SLCO1A2: variants seen among roughly 807,000 people sequenced by gnomAD.
The protein encoded by SLCO1A2 is OATP-1.
A neutral mutation model predicts 69.0 loss-of-function variants in SLCO1A2; 67 were observed. The observed-to-expected ratio is 0.97, with a 90% CI of 0.80 to 1.19. The LOEUF (loss-of-function observed/expected upper bound fraction) is 1.19, where lower values mean the gene tolerates loss of function less well. Among genes scored for constraint, SLCO1A2 ranks in the 50% most tolerant of loss-of-function variants. SLCO1A2 has a pLI of 0.00. For missense variants in SLCO1A2, 787 were observed against 793.7 expected, an observed-to-expected ratio of 0.99 and a Z score of 0.10; for synonymous variants, 260 against 265.9, an observed-to-expected ratio of 0.98 and a Z score of 0.22.
intron 12 of SLCO1A2, among the ~76,000 whole-genome samples, chr12:21,276,949 T>C (rs1943971149): frequency 6.6e-6 from 1 of 152,186 alleles, no homozygotes; most frequent in South Asian, 2.1e-4. Context: ...CTAAATAAAC[T>C]TGAAAGGCAG....
At chr12:21,286,978 A>T (rs1364180319) in intron 12 of SLCO1A2, among the ~76,000 whole-genome samples, 2 of 148,474 alleles carry the variant, frequency 1.3e-5, no homozygotes, top group African/African-American at 5.0e-5. Flanking sequence ...AAACACCAAA[A>T]GCAATGGCAA....
At chr12:21,291,327 T>C (rs1393435156) in intron 12 of SLCO1A2, among the ~76,000 whole-genome samples, 4 of 152,112 alleles carry the variant, frequency 2.6e-5, no homozygotes, top group Non-Finnish European at 2.9e-5. Context: ...ACAAAGGAAA[T>C]ACATATTTAA....
chr12:21,374,325 A>G (rs2137097401), intron 2 of SLCO1A2: 1 of 152,400 alleles, frequency 6.6e-6, no homozygotes, highest in South Asian at 2.1e-4. Flanking sequence ...TTTGTGCCTA[A>G]ATTAGTTTTG....
intron 4 of SLCO1A2, among the ~76,000 whole-genome samples, chr12:21,309,240 A>C (rs141931893): frequency 2.6e-5 from 4 of 152,334 alleles, no homozygotes; most frequent in Admixed American, 1.3e-4. Context: ...TTCAAGTAAT[A>C]GAGATCTAGA....
chr12:21,292,291 C>T lies in SLCO1A2; in HGVS notation c.1483G>A (p.Ala495Thr), dbSNP rs781428321. 8.7e-6 allele frequency: 14 copies of T among 1,611,616 alleles called. No individual in the cohort carries two copies. The highest frequency in any genetic ancestry group is 5.0e-5 in the Admixed American group (3 of 59,900). Residue 495 changes from alanine (A) to threonine (T), a missense_variant, in exon 12 of 15, where the codon GCA becomes ACA. Transcript: ENST00000683939. ...CCTTTGTCGCACAGCCCAAGAACTG[C>T]AGATGAATTTCCTGATGTTTGAATA... ...SCIQTSGNSSAVLGLCDKGPD... is the reference protein window; with the variant it reads ...SCIQTSGNSSTVLGLCDKGPD...
At chr12:21,281,917 G>C (rs745918300) in intron 12 of SLCO1A2, among the ~76,000 whole-genome samples, 3 of 152,018 alleles carry the variant, frequency 2.0e-5, no homozygotes, top group Non-Finnish European at 4.4e-5. Flanking sequence ...TCAATAAAAA[G>C]TAATGAGATT....
At chr12:21,373,712 G>A (rs1414845423) in intron 2 of SLCO1A2, 1 of 701,184 alleles carries the variant, frequency 1.4e-6, no homozygotes, top group African/African-American at 1.8e-5. Context: ...GCCAGAACAT[G>A]AAGCGGGAAA....
chr12:21,357,375 A>C (rs768915398), intron 2 of SLCO1A2, among the ~76,000 whole-genome samples: 2 of 152,204 alleles, frequency 1.3e-5, no homozygotes, highest in Non-Finnish European at 2.9e-5. Context: ...CAAGATTGCC[A>C]GCAAACTACC....
intron 12 of SLCO1A2, among the ~76,000 whole-genome samples, chr12:21,282,398 A>G (rs1160797960): frequency 6.6e-6 from 1 of 152,062 alleles, no homozygotes; most frequent in Non-Finnish European, 1.5e-5. Context: ...TTATGGTAAA[A>G]AAAAAAACTC....
At chr12:21,313,067 C>T (rs1565491949) in intron 4 of SLCO1A2, among the ~76,000 whole-genome samples, 1 of 152,098 alleles carries the variant, frequency 6.6e-6, no homozygotes, top group Non-Finnish European at 1.5e-5. Flanking sequence ...CCTTGGGCGT[C>T]ACTGTATCTC....
chr12:21,291,223 A>G (rs991780558), intron 12 of SLCO1A2, among the ~76,000 whole-genome samples: 3 of 152,154 alleles, frequency 2.0e-5, no homozygotes, highest in African/African-American at 7.2e-5. Flanking sequence ...GAATTTATCT[A>G]TGCATCTACC....
At chr12:21,316,247 C>T (rs1950846426) in intron 3 of SLCO1A2, among the ~76,000 whole-genome samples, 1 of 152,146 alleles carries the variant, frequency 6.6e-6, no homozygotes, top group Non-Finnish European at 1.5e-5. Flanking sequence ...TTTCTTCAGC[C>T]ACTTACTCTA....
chr12:21,280,524 G>A (rs1944597661), intron 12 of SLCO1A2, among the ~76,000 whole-genome samples: 1 of 151,816 alleles, frequency 6.6e-6, no homozygotes, highest in Non-Finnish European at 1.5e-5. Context: ...TTAAGCAAGA[G>A]GACATAAAAG....
chr12:21,325,917 T>G (rs1336148885), intron 2 of SLCO1A2, among the ~76,000 whole-genome samples: 5 of 152,074 alleles, frequency 3.3e-5, no homozygotes, highest in Non-Finnish European at 7.4e-5. Flanking sequence ...TCACCTGGAG[T>G]GCCCATGTAG....
chr12:21,372,406 C>T (rs1939865702), intron 2 of SLCO1A2, among the ~76,000 whole-genome samples: 1 of 152,052 alleles, frequency 6.6e-6, no homozygotes, highest in Admixed American at 6.6e-5. Flanking sequence ...GCTTTTAAAT[C>T]TCCCCTCACC....
intron 4 of SLCO1A2, among the ~76,000 whole-genome samples, chr12:21,312,400 A>C (rs1950340641): frequency 6.6e-6 from 1 of 152,202 alleles, no homozygotes; most frequent in South Asian, 2.1e-4. Flanking sequence ...TCTTCTGTTC[A>C]GACTACTCAA....
At chr12:21,324,334 T>G (rs1399908228) in intron 2 of SLCO1A2, among the ~76,000 whole-genome samples, 1 of 152,248 alleles carries the variant, frequency 6.6e-6, no homozygotes, top group African/African-American at 2.4e-5. Flanking sequence ...AGAGAAATTA[T>G]AGTAAGACCA....
At chr12:21,329,992 G>C (rs1565502748) in intron 2 of SLCO1A2, among the ~76,000 whole-genome samples, 2 of 151,848 alleles carry the variant, frequency 1.3e-5, no homozygotes, top group African/African-American at 2.4e-5. Flanking sequence ...GAATTAAAAG[G>C]CATCTTTGGT....
intron 1 of SLCO1A2, among the ~76,000 whole-genome samples, chr12:21,390,249 A>ATAT (rs1941086495): frequency 1.4e-4 from 21 of 152,088 alleles, no homozygotes; most frequent in Non-Finnish European, 1.2e-4. Flanking sequence ...GCATCTGACC[A>ATAT]TATGGCCAAA....
Sources: allele counts gnomAD v4.1 joint callset (sites outside exome capture counted in the v4.1 genomes callset), GRCh38; gene constraint gnomAD v4.1.1; transcripts MANE v1.5; gene names NCBI Gene and HGNC (gene_info 2026-07-23, HGNC 2026-07-21).